EXD1: variants seen among roughly 807,000 people sequenced by gnomAD.
The protein encoded by EXD1 is exonuclease 3'-5' domain containing 1, also known as piRNA biogenesis protein EXD1.
Under a neutral mutation model 49.1 loss-of-function variants are expected in EXD1, and 63 were observed. The ratio of observed to expected loss-of-function variants is 1.28; its 90% CI spans 1.05 to 1.58. EXD1 has a LOEUF of 1.58. Ranked by LOEUF, EXD1 falls within the 40% of genes most tolerant of loss-of-function variation. The probability of loss-of-function intolerance (pLI) is 0.00; values close to 1 mark genes in which losing one functional copy is unlikely to be tolerated. For synonymous variants in EXD1, 234 were observed against 239.2 expected, an observed-to-expected ratio of 0.98 and a Z score of 0.20; for missense variants, 748 against 666.0, an observed-to-expected ratio of 1.12 and a Z score of -1.36.
Position 41,215,779 on chromosome 15 carries a change from G to A in EXD1, c.443C>T (p.Ala148Val), listed in dbSNP as rs201768915. Residue 148 changes from alanine to valine, a missense_variant, in exon 6 of 12, where the codon GCT becomes GTT. Transcript: ENST00000458580. The part of the protein sequence containing the change: ...VINQFQQKFG[A>V]AILHIKKQNV... The stretch of plus-strand genomic sequence containing the variant: ...ATGATTGAGGACAATACTTACCGCA[G>A]CACCAAACTTCTGCTGGAATTGATT... 1.9e-6 allele frequency: 3 copies of A among 1,613,604 alleles called. No homozygotes were observed. Among genetic ancestry groups the A allele is most frequent in the Non-Finnish European group, 2.5e-6 (3 of 1,179,792 alleles).
At chr15:41,212,933 T>C (rs1469147690) in intron 6 of EXD1, among the ~76,000 whole-genome samples, 2 of 151,982 alleles carry the variant, frequency 1.3e-5, no homozygotes, top group African/African-American at 4.8e-5. Flanking sequence ...CCCACCTACT[T>C]GGGAGGCTAA....
chr15:41,199,557 A>G (rs1042200789), intron 7 of EXD1, among the ~76,000 whole-genome samples: 11 of 147,122 alleles, frequency 7.5e-5, no homozygotes, highest in African/African-American at 2.7e-4. Context: ...GTTTATCTGT[A>G]TCCTTTGTTT....
Position 41,230,496 on chromosome 15 carries a change from C to T in EXD1, c.-71G>A, listed in dbSNP as rs772980179. The T allele has an allele frequency of 1.2e-6, 2 of 1,614,096 alleles. No homozygotes were observed. Among genetic ancestry groups the T allele is most frequent in the Non-Finnish European group, 1.7e-6 (2 of 1,179,922 alleles). On this transcript the variant is annotated 5_prime_UTR_variant, in exon 1 of 12. In the 5' UTR this introduces an upstream ATG that the reference lacks. Transcript: ENST00000458580. ...TGGCGGACCATAAGCTAGGAATTCA[C>T]TGTCCTCCATCGTTAGGGCTTTTTC... is the stretch of plus-strand genomic sequence containing the variant.
At chr15:41,227,736 A>T (rs2047185103) in intron 1 of EXD1, among the ~76,000 whole-genome samples, 1 of 151,872 alleles carries the variant, frequency 6.6e-6, no homozygotes, top group Non-Finnish European at 1.5e-5. Flanking sequence ...GAAAAAATGT[A>T]CTAAGAAATA....
At chr15:41,191,614 C>G (rs368109202) in intron 9 of EXD1, 29 bp from the exon 10 acceptor site, 3 of 1,607,938 alleles carry the variant, frequency 1.9e-6, no homozygotes, top group Admixed American at 1.7e-5. Flanking sequence ...ACAAACAGAC[C>G]AGTTGAATAT....
At chr15:41,214,197 T>G (rs557066827) in intron 6 of EXD1, among the ~76,000 whole-genome samples, 2 of 151,868 alleles carry the variant, frequency 1.3e-5, no homozygotes, top group Non-Finnish European at 2.9e-5. Flanking sequence ...AACCTTTTGA[T>G]AGCTAACTGT....
intron 2 of EXD1, among the ~76,000 whole-genome samples, chr15:41,222,643 T>A (rs1264627885): frequency 5.6e-5 from 6 of 108,060 alleles, no homozygotes; most frequent in African/African-American, 4.1e-4. Context: ...TTTAAATTTT[T>A]TTTTTTTTTT....
Position 41,230,406 on chromosome 15 carries a change from A to C in EXD1, c.-54+73T>G, listed in dbSNP as rs2047222294. 13 of 1,504,802 alleles carry C rather than the reference A, an allele frequency of 8.6e-6. 1 individual carries two copies. In the Admixed American group the frequency reaches 2.2e-4, roughly 25 times the overall value. The allele number at this position is 1,504,802 out of a possible 1,614,324, so 93.2% of individuals were successfully genotyped here. On this transcript the variant is annotated intron_variant, in intron 1 of 11. Transcript: ENST00000458580. The stretch of plus-strand genomic sequence containing the variant: ...CCTACCTTTTTAATCAAAACAAACA[A>C]TACACCATGAGAATAAAATGCAAAA...
chr15:41,187,461 A>G (rs549990786), intron 11 of EXD1, among the ~76,000 whole-genome samples: 5 of 152,164 alleles, frequency 3.3e-5, no homozygotes, highest in Non-Finnish European at 4.4e-5. Flanking sequence ...TTTGGTATCC[A>G]TGGGGGGATG....
intron 7 of EXD1, among the ~76,000 whole-genome samples, chr15:41,199,089 A>G (rs2046665505): frequency 6.6e-6 from 1 of 152,024 alleles, no homozygotes; most frequent in Non-Finnish European, 1.5e-5. Context: ...CCTCCCAAGT[A>G]GCTGGGATTA....
chr15:41,228,141 T>A (rs2047191591), intron 1 of EXD1, among the ~76,000 whole-genome samples: 1 of 152,192 alleles, frequency 6.6e-6, no homozygotes. Context: ...AACTATTCTG[T>A]TATTTAGATG....
At chr15:41,198,414 G>A (rs557605640) in intron 7 of EXD1, among the ~76,000 whole-genome samples, 3 of 152,096 alleles carry the variant, frequency 2.0e-5, no homozygotes, top group Admixed American at 6.6e-5. Flanking sequence ...AGGGAGGCTG[G>A]GCAAGGTGGC....
chr15:41,230,665 A>G lies in EXD1; in HGVS notation c.-240T>C. On this transcript the variant is annotated 5_prime_UTR_variant, in exon 1 of 12. Coordinates refer to ENST00000458580, the MANE Select transcript of EXD1 (RefSeq NM_001286441.2). ...CCACGCCACCCGGCGGCGGTTATCA[A>G]ATCACAGGCTGAAAACCTGGAGAAA... is the stretch of plus-strand genomic sequence containing the variant. 1 of 1,101,588 alleles carries G rather than the reference A, an allele frequency of 9.1e-7. No homozygotes were observed. Among genetic ancestry groups the G allele is most frequent in the South Asian group, 1.5e-5 (1 of 68,118 alleles). The allele number at this position is 1,101,588 out of a possible 1,614,324, so 68.2% of individuals were successfully genotyped here. A position where few individuals can be genotyped will look rare whatever the true frequency, so the allele number is the denominator to read the frequency against.
Position 41,184,310 on chromosome 15 carries a change from G to A in EXD1, c.1340C>T (p.Ala447Val), listed in dbSNP as rs747130375. The change falls in exon 12 of 12, where the codon GCT (alanine) becomes GTT (valine). Residue 447 changes from alanine to valine, a missense_variant. Physicochemically the swap from Ala to Val is moderately conservative, Grantham distance 64 (BLOSUM62 0). Coordinates refer to ENST00000458580, the MANE Select transcript of EXD1 (RefSeq NM_001286441.2). Reference sequence around the variant, plus strand: ...GGGAGGTAGATGTTGAGGATTTGTAGCTTGTTTATTCAAAGATTCTTCTTT... The same window carrying A: ...GGGAGGTAGATGTTGAGGATTTGTAACTTGTTTATTCAAAGATTCTTCTTT... ...LLKEESLNKQ[A>V]TNPQHLPPTE... 1 of 1,614,154 alleles carries A rather than the reference G, an allele frequency of 6.2e-7. No homozygotes were observed. Among genetic ancestry groups the A allele is most frequent in the South Asian group, 1.1e-5 (1 of 91,080 alleles).
intron 6 of EXD1, among the ~76,000 whole-genome samples, chr15:41,211,795 T>TAAAA (rs57945609): frequency 8.4e-6 from 1 of 119,612 alleles, no homozygotes; most frequent in Non-Finnish European, 1.7e-5. Flanking sequence ...CCTCATTTCT[T>TAAAA]AAAAAAAAAA....
chr15:41,202,002 G>T (rs1017568711), intron 7 of EXD1, among the ~76,000 whole-genome samples: 12 of 151,808 alleles, frequency 7.9e-5, no homozygotes, highest in African/African-American at 2.9e-4. Flanking sequence ...AAAAACAAAA[G>T]AATTTTAAAT....
intron 11 of EXD1, among the ~76,000 whole-genome samples, chr15:41,185,890 A>C (rs1447573209): frequency 6.6e-6 from 1 of 152,072 alleles, no homozygotes; most frequent in East Asian, 1.9e-4. Flanking sequence ...GTACCCAGGC[A>C]CTTTATAAAT....
intron 9 of EXD1, 116 bp from the exon 10 acceptor site, chr15:41,191,701 T>C (rs2046521717): frequency 1.1e-6 from 1 of 925,876 alleles, no homozygotes; most frequent in Non-Finnish European, 1.6e-6. Context: ...ACCCACACGA[T>C]AGACCATGTC....
chr15:41,224,499 T>A (rs1455840121), intron 2 of EXD1, among the ~76,000 whole-genome samples: 1 of 152,116 alleles, frequency 6.6e-6, no homozygotes, highest in Non-Finnish European at 1.5e-5. Flanking sequence ...ACTCTATATA[T>A]TGAAGCTTCC....
Sources: allele counts gnomAD v4.1 joint callset (sites outside exome capture counted in the v4.1 genomes callset), GRCh38; gene constraint gnomAD v4.1.1; transcripts MANE v1.5; gene names NCBI Gene and HGNC (gene_info 2026-07-23, HGNC 2026-07-21).